Variants in LRP1B observed in about 807,000 individuals in gnomAD.
The protein encoded by LRP1B is low-density lipoprotein receptor-related protein 1B.
A neutral mutation model predicts 556.6 loss-of-function variants in LRP1B; 217 were observed. That is an observed-to-expected ratio of 0.39 (90% CI 0.35 to 0.44). LRP1B has a LOEUF of 0.44. Among genes scored for constraint, LRP1B ranks in the 20% least tolerant of loss-of-function variants. LRP1B has a pLI of 1.00. For synonymous variants in LRP1B, 2,047 were observed against 1,865.8 expected (o/e 1.10, Z -2.50); for missense variants, 5,053 against 5,620.8 (o/e 0.90, Z 3.23).
intron 41 of LRP1B, among the ~76,000 whole-genome samples, chr2:140,694,594 C>G (rs1010729863): frequency 1.3e-5 from 2 of 152,106 alleles, no homozygotes; most frequent in Non-Finnish European, 2.9e-5. Flanking sequence ...ACATTTCTTT[C>G]TTCATTTCTA....
At chr2:140,816,200 C>T (rs1487247251) in intron 31 of LRP1B, among the ~76,000 whole-genome samples, 3 of 152,028 alleles carry the variant, frequency 2.0e-5, no homozygotes, top group African/African-American at 7.2e-5. Context: ...TCACTACAAC[C>T]TCCACCTCCT....
chr2:140,564,588 G>C (rs1681057649), intron 43 of LRP1B, among the ~76,000 whole-genome samples: 1 of 151,950 alleles, frequency 6.6e-6, no homozygotes, highest in Non-Finnish European at 1.5e-5. Flanking sequence ...AAGCTATTTG[G>C]CATTCAATAC....
chr2:140,692,899 T>G (rs554875025), intron 41 of LRP1B, among the ~76,000 whole-genome samples: 10 of 152,308 alleles, frequency 6.6e-5, no homozygotes, highest in African/African-American at 2.2e-4. Context: ...TCTTTGATAT[T>G]AAAAAGCTCA....
At chr2:140,904,369 T>C (rs1694187879) in intron 22 of LRP1B, among the ~76,000 whole-genome samples, 1 of 152,098 alleles carries the variant, frequency 6.6e-6, no homozygotes, top group Non-Finnish European at 1.5e-5. Context: ...TTCAAGTGGA[T>C]TTCAAACCCT....
rs771841870 is a variant in LRP1B, at chr2:140,492,642, C to T, written c.9086G>A (p.Ser3029Asn). The T allele has an allele frequency of 5.6e-6, 9 of 1,613,690 alleles. No homozygotes were observed. In the South Asian group the frequency reaches 7.7e-5, roughly 14 times the overall value. Residue 3029 changes from serine to asparagine, a missense_variant, in exon 57 of 91, where the codon AGC (serine) becomes AAC (asparagine). Physicochemically the swap from Ser to Asn is conservative, Grantham distance 46 (BLOSUM62 1). Coordinates refer to ENST00000389484, the MANE Select transcript of LRP1B (RefSeq NM_018557.3). ...AAGTGTGTAGTTGGAGCCATCAGTG[C>T]TAATTTTCCTTATCTCATGATGATC... ...LADHHEIRKI[S>N]TDGSNYTLLK...
chr2:141,291,508 T>A (rs951896158), intron 3 of LRP1B, among the ~76,000 whole-genome samples: 2 of 152,126 alleles, frequency 1.3e-5, no homozygotes, highest in Admixed American at 1.3e-4. Flanking sequence ...ATGTCTCAAT[T>A]TTACGGCAAA....
chr2:141,127,917 G>T (rs1319381209), intron 7 of LRP1B, among the ~76,000 whole-genome samples: 1 of 152,170 alleles, frequency 6.6e-6, no homozygotes, highest in African/African-American at 2.4e-5. Flanking sequence ...ACTTACATGA[G>T]TCCACGAACT....
intron 41 of LRP1B, among the ~76,000 whole-genome samples, chr2:140,687,934 A>C (rs1159152485): frequency 6.6e-6 from 1 of 152,128 alleles, no homozygotes; most frequent in Middle Eastern, 3.2e-3. Flanking sequence ...AGCCCCTCAA[A>C]GATCTATTTA....
intron 77 of LRP1B, among the ~76,000 whole-genome samples, chr2:140,340,111 C>A (rs534479010): frequency 1.3e-5 from 2 of 151,070 alleles, no homozygotes; most frequent in East Asian, 2.0e-4. Flanking sequence ...TGTTCTTTAA[C>A]CTTTTATTCC....
chr2:140,635,559 T>C (rs1485449677), intron 41 of LRP1B, among the ~76,000 whole-genome samples: 2 of 152,050 alleles, frequency 1.3e-5, no homozygotes, highest in Non-Finnish European at 2.9e-5. Flanking sequence ...GGAGCTGAGG[T>C]ACTTGAACTT....
chr2:140,497,408 G>T (rs1309195470), intron 55 of LRP1B, among the ~76,000 whole-genome samples: 1 of 151,514 alleles, frequency 6.6e-6, no homozygotes, highest in East Asian at 1.9e-4. Context: ...CTTAACTATG[G>T]CCAAAGAAAA....
chr2:141,355,851 A>G (rs2105551405), intron 3 of LRP1B, among the ~76,000 whole-genome samples: 1 of 152,202 alleles, frequency 6.6e-6, no homozygotes, highest in Non-Finnish European at 1.5e-5. Flanking sequence ...CCTAATTCCT[A>G]TTCATGTCTT....
At chr2:140,709,965 C>G (rs1230052925) in intron 37 of LRP1B, among the ~76,000 whole-genome samples, 1 of 151,084 alleles carries the variant, frequency 6.6e-6, no homozygotes, top group South Asian at 2.1e-4. Context: ...TTCCTAGAAA[C>G]AAGTTTAACA....
At chr2:140,306,823 T>C (rs1179288059) in intron 83 of LRP1B, among the ~76,000 whole-genome samples, 1 of 152,172 alleles carries the variant, frequency 6.6e-6, no homozygotes, top group Non-Finnish European at 1.5e-5. Flanking sequence ...TACACACTGC[T>C]TTAAATGCGT....
chr2:140,314,678 CA>C (rs1239497744), intron 83 of LRP1B, among the ~76,000 whole-genome samples: 2 of 152,052 alleles, frequency 1.3e-5, no homozygotes, highest in Admixed American at 1.3e-4. Context: ...CATTCTGAGC[CA>C]GGGGCAAATT....
intron 1 of LRP1B, among the ~76,000 whole-genome samples, chr2:142,012,465 G>A (rs1702988124): frequency 1.3e-5 from 2 of 152,094 alleles, no homozygotes; most frequent in African/African-American, 4.8e-5. Context: ...AAGTTGAACT[G>A]CAATTTATTC....
intron 1 of LRP1B, among the ~76,000 whole-genome samples, chr2:141,961,949 G>A (rs1168447293): frequency 3.3e-5 from 5 of 151,646 alleles, no homozygotes. Context: ...TTTTTAATAT[G>A]AGGCATATTT....
chr2:141,381,671 T>A, intron 3 of LRP1B, among the ~76,000 whole-genome samples: 1 of 151,650 alleles, frequency 6.6e-6, no homozygotes. Context: ...CAAGAGAAGC[T>A]TAATAAAGAC....
intron 68 of LRP1B, among the ~76,000 whole-genome samples, chr2:140,375,574 TACTTA>T (rs1683189469): frequency 6.6e-6 from 1 of 152,148 alleles, no homozygotes; most frequent in African/African-American, 2.4e-5. Flanking sequence ...GAGAGGATTT[TACTTA>T]ACTTTTTGTT....
Sources: allele counts gnomAD v4.1 joint callset (sites outside exome capture counted in the v4.1 genomes callset), GRCh38; gene constraint gnomAD v4.1.1; transcripts MANE v1.5; gene names NCBI Gene and HGNC (gene_info 2026-07-23, HGNC 2026-07-21).